The following DDX24 variants were observed in gnomAD, a reference collection of about 807,000 sequenced individuals.
DDX24 encodes the protein DEAD-box helicase 24.
A neutral mutation model predicts 68.9 loss-of-function variants in DDX24; 24 were observed. The observed-to-expected ratio is 0.35, with a 90% CI of 0.25 to 0.49. The LOEUF (loss-of-function observed/expected upper bound fraction) is 0.49. DDX24 is among the 20% of genes least tolerant of loss of function. The probability of loss-of-function intolerance (pLI) is 0.99; values close to 1 mark genes in which losing one functional copy is unlikely to be tolerated. For missense variants in DDX24, 989 were observed against 1,039.0 expected, an observed-to-expected ratio of 0.95 and a Z score of 0.66; for synonymous variants, 395 against 385.2, an observed-to-expected ratio of 1.03 and a Z score of -0.30.
chr14:94,064,704 G>A (rs923975364), intron 2 of DDX24, among the ~76,000 whole-genome samples: 1 of 152,158 alleles, frequency 6.6e-6, no homozygotes, highest in Admixed American at 6.5e-5. Context: ...CCATCTGGCT[G>A]TTTCTCAGTT....
chr14:94,050,967 A>C lies in DDX24; in HGVS notation c.*224T>G, dbSNP rs977794021. ...TATGAAATCAAGTTTAACACACAAG[A>C]AGCCTATAAACACTGCAATACAGAA... On this transcript the variant is annotated 3_prime_UTR_variant, in exon 9 of 9. Transcript: ENST00000621632. 5 of 411,440 alleles carry C rather than the reference A, an allele frequency of 1.2e-5. No homozygotes were observed. Among genetic ancestry groups the C allele is most frequent in the South Asian group, 2.4e-4 (2 of 8,244 alleles). 25.5% of individuals were successfully genotyped at this position (411,440 alleles called of 1,614,324 possible). A position where few individuals can be genotyped will look rare whatever the true frequency, so the allele number is the denominator to read the frequency against.
chr14:94,074,687 A>G (rs935701776), intron 2 of DDX24, among the ~76,000 whole-genome samples: 2 of 152,184 alleles, frequency 1.3e-5, no homozygotes, highest in African/African-American at 2.4e-5. Context: ...TACCACTACA[A>G]TTCAAAATTC....
intron 6 of DDX24, 160 bp downstream of exon 6, chr14:94,057,662 G>C (rs1218589534): frequency 9.9e-6 from 6 of 607,020 alleles, no homozygotes; most frequent in Non-Finnish European, 1.7e-5. Context: ...CCAAATCTCA[G>C]CAGTGTTGCA....
intron 3 of DDX24, 84 bp from the exon 4 acceptor site, chr14:94,061,150 CAG>C (rs1885588846): frequency 6.8e-7 from 1 of 1,477,496 alleles, no homozygotes; most frequent in East Asian, 2.3e-5. Flanking sequence ...CCCAGATTAG[CAG>C]AGACAGACAT....
intron 2 of DDX24, among the ~76,000 whole-genome samples, chr14:94,065,385 A>T (rs984531931): frequency 4.1e-5 from 2 of 49,080 alleles, no homozygotes; most frequent in Non-Finnish European, 8.1e-5. Flanking sequence ...TCTCTCTCTG[A>T]CACACACACA....
intron 7 of DDX24, 75 bp from the exon 8 acceptor site, chr14:94,053,202 G>C: frequency 6.3e-7 from 1 of 1,595,318 alleles, no homozygotes; most frequent in South Asian, 1.1e-5. Flanking sequence ...CACTTGAGTT[G>C]TGTTTGTGTG....
intron 2 of DDX24, among the ~76,000 whole-genome samples, chr14:94,077,205 A>C (rs1448492277): frequency 2.6e-5 from 4 of 152,220 alleles, no homozygotes; most frequent in African/African-American, 9.6e-5. Context: ...TCGACTGCAC[A>C]GGGGACCAAT....
chr14:94,079,837 C>T, intron 1 of DDX24, 90 bp from the exon 2 acceptor site: 1 of 1,194,800 alleles, frequency 8.4e-7, no homozygotes, highest in Non-Finnish European at 1.2e-6. Context: ...CTAGGCCCTA[C>T]AAAGAACTGA....
intron 2 of DDX24, among the ~76,000 whole-genome samples, chr14:94,066,524 C>T (rs547589456): frequency 6.6e-6 from 1 of 152,318 alleles, no homozygotes; most frequent in African/African-American, 2.4e-5. Context: ...TGGCAGGAGG[C>T]CAACTAACAC....
At chr14:94,060,721 C>T (rs1245628585) in intron 4 of DDX24, 108 bp from the exon 5 acceptor site, 11 of 1,469,356 alleles carry the variant, frequency 7.5e-6, no homozygotes, top group African/African-American at 7.0e-5. Flanking sequence ...CACGTACACA[C>T]CCCACTACCA....
chr14:94,060,814 A>T, intron 4 of DDX24, 99 bp downstream of exon 4: 1 of 1,525,214 alleles, frequency 6.6e-7, no homozygotes, highest in Non-Finnish European at 8.9e-7. Flanking sequence ...ACCACACCAT[A>T]GCATTCTGCG....
intron 6 of DDX24, chr14:94,056,693 G>C (rs1180764152): frequency 6.6e-6 from 1 of 152,248 alleles, no homozygotes; most frequent in East Asian, 1.9e-4. Context: ...TGGTTGGTCA[G>C]AAGTTCCAGA....
chr14:94,068,957 G>C (rs777640582), intron 2 of DDX24, among the ~76,000 whole-genome samples: 41 of 152,222 alleles, frequency 2.7e-4, no homozygotes, highest in Non-Finnish European at 5.1e-4. Flanking sequence ...CAAGGAGCTA[G>C]AGAAACAAGA....
rs1470573267 is a variant in DDX24 at position 94,061,020 on chromosome 14, C to T, written c.1290G>A (p.Gln430=). 6.2e-7 allele frequency: 1 copy of T among 1,614,120 alleles called. No homozygotes were observed. The highest frequency in any genetic ancestry group is 8.5e-7 in the Non-Finnish European group (1 of 1,180,054). The part of the protein sequence containing the change: ...ILVGGMSTQK[Q]QRMLNRRPEI... Reference sequence around the variant, plus strand: ...CAGGACGACGGTTCAGCATCCTCTGCTGTTTCTGCGTGGACATTCCACCAA... The same window carrying T: ...CAGGACGACGGTTCAGCATCCTCTGTTGTTTCTGCGTGGACATTCCACCAA... The change falls in exon 4 of 9, where the codon CAG becomes CAA. Residue 430 remains glutamine (Q), a synonymous_variant. Transcript: ENST00000621632.
chr14:94,051,247 T>A lies in DDX24; in HGVS notation c.2524A>T (p.Lys842Ter), dbSNP rs202193526. ...CLSKQKKKKT[K>*]KPKEPQPEQP... The stretch of plus-strand genomic sequence containing the variant: ...TCCGGCTGTGGCTCCTTCGGCTTCT[T>A]TGTCTTCTTCTTCTTCTGCTTGGAG... The change falls in exon 9 of 9, where the codon AAG (lysine) becomes TAG (stop). Residue 842 changes from lysine (K) to a stop codon, truncating the protein, a stop_gained. Coordinates refer to ENST00000621632, the MANE Select transcript of DDX24 (RefSeq NM_020414.4). LOFTEE classifies it low-confidence loss of function (END_TRUNC). The A allele has an allele frequency of 1.3e-5, 20 of 1,595,434 alleles. No homozygotes were observed. In the East Asian group the frequency reaches 4.5e-4, roughly 36 times the overall value.
chr14:94,067,782 TGTAGAGA>T (rs1307456236), intron 2 of DDX24, among the ~76,000 whole-genome samples: 2 of 150,468 alleles, frequency 1.3e-5, no homozygotes, highest in African/African-American at 4.9e-5. Flanking sequence ...GATAAACAAA[TGTAGAGA>T]CAATTTGCCA....
At chr14:94,075,745 T>C (rs1477455736) in intron 2 of DDX24, among the ~76,000 whole-genome samples, 2 of 152,182 alleles carry the variant, frequency 1.3e-5, no homozygotes, top group Non-Finnish European at 2.9e-5. Flanking sequence ...GGAGAAAAAT[T>C]TGCAAATCTC....
rs1233054977 is a variant in DDX24, at chr14:94,079,437, C to G, written c.306G>C (p.Lys102Asn). 8 of 1,613,872 alleles carry G rather than the reference C, an allele frequency of 5.0e-6. No homozygotes were observed. The highest frequency in any genetic ancestry group is 1.3e-5 in the African/African-American group (1 of 74,910). ...SSSPKKKIKL[K>N]KSKNVATEGT... ...CTTCAGTTGCTACATTTTTACTTTT[C>G]TTCAACTTGATCTTTTTCTTTGGTG... The change falls in exon 2 of 9, where the codon AAG becomes AAC. Residue 102 changes from lysine to asparagine, a missense_variant. Coordinates refer to ENST00000621632, the MANE Select transcript of DDX24 (RefSeq NM_020414.4).
At chr14:94,055,320 A>G in intron 6 of DDX24, 136 bp from the exon 7 acceptor site, 1 of 804,456 alleles carries the variant, frequency 1.2e-6, no homozygotes, top group Non-Finnish European at 1.9e-6. Context: ...TTGTAGAGCA[A>G]TCTAGCCCTC....
Sources: allele counts gnomAD v4.1 joint callset (sites outside exome capture counted in the v4.1 genomes callset), GRCh38; gene constraint gnomAD v4.1.1; transcripts MANE v1.5; gene names NCBI Gene and HGNC (gene_info 2026-07-23, HGNC 2026-07-21).